Variants in SMPD3 observed in about 807,000 individuals in gnomAD.
SMPD3 encodes the protein sphingomyelin phosphodiesterase 3, also known as nSMase-2.
A neutral mutation model predicts 55.7 loss-of-function variants in SMPD3; 21 were observed. The ratio of observed to expected loss-of-function variants is 0.38; its 90% CI spans 0.27 to 0.54. The LOEUF (loss-of-function observed/expected upper bound fraction) is 0.54. Ranked by LOEUF, SMPD3 falls within the 20% of genes least tolerant of loss-of-function variation. SMPD3 has a pLI of 0.80. For synonymous variants in SMPD3, 457 were observed against 404.3 expected (o/e 1.13, Z -1.56); for missense variants, 842 against 899.6 (o/e 0.94, Z 0.82).
At chr16:68,403,554 T>A (rs8057202) in intron 1 of SMPD3, among the ~76,000 whole-genome samples, 8,730 of 152,336 alleles carry the variant, frequency 0.057, 332 homozygotes, top group South Asian at 0.092. Context: ...GTACCAAACA[T>A]GAGTTCTCAA....
chr16:68,390,364 A>G (rs1056621780), intron 1 of SMPD3, among the ~76,000 whole-genome samples: 3 of 152,204 alleles, frequency 2.0e-5, no homozygotes, highest in African/African-American at 4.8e-5. Flanking sequence ...TCCTGTGACT[A>G]AGAATGCCTA....
At chr16:68,435,821 A>T (rs2090518834) in intron 1 of SMPD3, among the ~76,000 whole-genome samples, 1 of 152,214 alleles carries the variant, frequency 6.6e-6, no homozygotes, top group African/African-American at 2.4e-5. Context: ...CAGTGTGTGC[A>T]CTGGTCAGTG....
intron 1 of SMPD3, among the ~76,000 whole-genome samples, chr16:68,437,308 G>A (rs1289242880): frequency 6.6e-6 from 1 of 152,112 alleles, no homozygotes; most frequent in Non-Finnish European, 1.5e-5. Context: ...TGCCTTTATT[G>A]TTATCATTCT....
intron 3 of SMPD3, among the ~76,000 whole-genome samples, chr16:68,366,053 G>C (rs2089469349): frequency 1.3e-5 from 2 of 152,170 alleles, no homozygotes; most frequent in South Asian, 4.1e-4. Context: ...CCCAAGCCAT[G>C]CAAATCCATT....
chr16:68,364,327 CCTCT>C (rs764575609), intron 5 of SMPD3: 18 of 223,496 alleles, frequency 8.1e-5, no homozygotes, highest in Non-Finnish European at 1.3e-4. Flanking sequence ...GGTTCTCCAG[CCTCT>C]CTGAGTCTCA....
chr16:68,444,327 A>G (rs1597674280), intron 1 of SMPD3, among the ~76,000 whole-genome samples: 1 of 152,316 alleles, frequency 6.6e-6, no homozygotes, highest in East Asian at 1.9e-4. Flanking sequence ...ATTTTCCGAG[A>G]AAAGCTGCAT....
intron 1 of SMPD3, among the ~76,000 whole-genome samples, chr16:68,399,528 G>C (rs1220750060): frequency 6.6e-6 from 1 of 152,196 alleles, no homozygotes; most frequent in Non-Finnish European, 1.5e-5. Flanking sequence ...CTAGGCCTGT[G>C]GGGTCCCCTT....
intron 1 of SMPD3, among the ~76,000 whole-genome samples, chr16:68,436,215 C>T (rs2090521964): frequency 6.6e-6 from 1 of 152,166 alleles, no homozygotes; most frequent in Admixed American, 6.5e-5. Context: ...CAAGTTCATG[C>T]AATAGAACAA....
At position 68,361,115 on chromosome 16, in the gene SMPD3, C is replaced by G. The variant is rs2151968119; in HGVS notation, c.*91G>C. ...CTCCCTCCCTGTCCCTGCCCTCCTC[C>G]CCCAAGCACCGGGCACTCGATGGAG... On this transcript the variant is annotated 3_prime_UTR_variant, in exon 9 of 9. Coordinates refer to ENST00000219334, the MANE Select transcript of SMPD3 (RefSeq NM_018667.4). 1 of 1,202,676 alleles carries G rather than the reference C, an allele frequency of 8.3e-7. No individual in the cohort carries two copies. The highest frequency in any genetic ancestry group is 1.4e-5 in the South Asian group (1 of 71,038). 74.5% of individuals were successfully genotyped at this position (1,202,676 alleles called of 1,614,324 possible).
intron 1 of SMPD3, among the ~76,000 whole-genome samples, chr16:68,388,277 C>A (rs575861376): frequency 6.6e-6 from 1 of 152,310 alleles, no homozygotes; most frequent in African/African-American, 2.4e-5. Context: ...CACCCATAGC[C>A]TGGGGAGTCC....
chr16:68,363,466 TC>T, intron 7 of SMPD3, 29 bp downstream of exon 7: 1 of 1,613,546 alleles, frequency 6.2e-7, no homozygotes, highest in African/African-American at 1.3e-5. Context: ...AGGGTGTGCC[TC>T]GTCCCTGGCC....
At chr16:68,388,727 A>G (rs750590854) in intron 1 of SMPD3, among the ~76,000 whole-genome samples, 1 of 151,986 alleles carries the variant, frequency 6.6e-6, no homozygotes, top group African/African-American at 2.4e-5. Context: ...AGAACTGACT[A>G]TTTAGGGAGG....
chr16:68,426,017 T>C (rs529250139), intron 1 of SMPD3, among the ~76,000 whole-genome samples: 2 of 152,284 alleles, frequency 1.3e-5, no homozygotes, highest in East Asian at 1.9e-4. Flanking sequence ...CTAGTGCTGA[T>C]GATGGGCTAG....
intron 1 of SMPD3, among the ~76,000 whole-genome samples, chr16:68,390,629 C>T (rs1193667333): frequency 1.3e-5 from 2 of 152,186 alleles, no homozygotes; most frequent in South Asian, 2.1e-4. Context: ...CCACTGCACT[C>T]CAGCTTGGGT....
At chr16:68,369,838 C>G (rs1187447390) in intron 3 of SMPD3, 2 of 152,254 alleles carry the variant, frequency 1.3e-5, no homozygotes, top group African/African-American at 4.8e-5. Context: ...TCATGGCAGG[C>G]GCCAGGTTGC....
At chr16:68,435,840 G>C (rs1245128513) in intron 1 of SMPD3, among the ~76,000 whole-genome samples, 2 of 152,244 alleles carry the variant, frequency 1.3e-5, no homozygotes, top group African/African-American at 4.8e-5. Context: ...TGCTATGGCA[G>C]GGCCAGCCTG....
At chr16:68,412,442 C>T (rs78284976) in intron 1 of SMPD3, among the ~76,000 whole-genome samples, 2 of 152,194 alleles carry the variant, frequency 1.3e-5, no homozygotes, top group African/African-American at 2.4e-5. Flanking sequence ...CCACACCTAT[C>T]TCCCAAAACA....
chr16:68,410,772 G>T (rs988734814), intron 1 of SMPD3, among the ~76,000 whole-genome samples: 3 of 152,214 alleles, frequency 2.0e-5, no homozygotes, highest in Non-Finnish European at 2.9e-5. Context: ...GACTTAAATC[G>T]TAGGCCAACT....
chr16:68,394,365 A>G (rs2090137521), intron 1 of SMPD3, among the ~76,000 whole-genome samples: 1 of 152,188 alleles, frequency 6.6e-6, no homozygotes, highest in African/African-American at 2.4e-5. Flanking sequence ...GTTAATGCCA[A>G]TTACTACTTC....
Sources: allele counts gnomAD v4.1 joint callset (sites outside exome capture counted in the v4.1 genomes callset), GRCh38; gene constraint gnomAD v4.1.1; transcripts MANE v1.5; gene names NCBI Gene and HGNC (gene_info 2026-07-23, HGNC 2026-07-21).